Variants in AGBL1 observed in about 807,000 individuals in gnomAD.
AGBL1 encodes the protein cytosolic carboxypeptidase 4.
Under a neutral mutation model 118.9 loss-of-function variants are expected in AGBL1, and 130 were observed. That is an observed-to-expected ratio of 1.09 (90% CI 0.95 to 1.26). The LOEUF (loss-of-function observed/expected upper bound fraction) is 1.26, where lower values mean the gene tolerates loss of function less well. Ranked by LOEUF, AGBL1 falls within the 50% of genes most tolerant of loss-of-function variation. The pLI, the probability that AGBL1 is intolerant of heterozygous loss-of-function variation, is 0.00. For missense variants in AGBL1, 1,584 were observed against 1,298.1 expected (o/e 1.22, Z -3.38); for synonymous variants, 555 against 478.9 (o/e 1.16, Z -2.08).
At chr15:86,854,067 TGA>T (rs2079444691) in intron 22 of AGBL1, among the ~76,000 whole-genome samples, 1 of 152,206 alleles carries the variant, frequency 6.6e-6, no homozygotes, top group Non-Finnish European at 1.5e-5. Flanking sequence ...GAAATGGCAC[TGA>T]GAGAGTTGCA....
intron 24 of AGBL1, among the ~76,000 whole-genome samples, chr15:87,026,935 A>G (rs2081733679): frequency 6.6e-6 from 1 of 152,048 alleles, no homozygotes; most frequent in Admixed American, 6.6e-5. Context: ...GAGCTAAGCT[A>G]TGAGGATGCA....
chr15:86,950,451 A>G (rs2080868202), intron 23 of AGBL1, among the ~76,000 whole-genome samples: 1 of 151,042 alleles, frequency 6.6e-6, no homozygotes, highest in Admixed American at 6.6e-5. Context: ...GATTTTACAT[A>G]TACAAAAAGA....
At chr15:86,198,058 T>A (rs2077843587) in intron 5 of AGBL1, among the ~76,000 whole-genome samples, 1 of 152,094 alleles carries the variant, frequency 6.6e-6, no homozygotes, top group Admixed American at 6.6e-5. Context: ...TGGGGCAGGA[T>A]CTCTAACTGA....
rs927494453 is a variant in AGBL1 at position 86,279,722 on chromosome 15, C to T, written c.2159C>T (p.Pro720Leu). 1.2e-6 allele frequency: 2 copies of T among 1,613,776 alleles called. No individual in the cohort carries two copies. Among genetic ancestry groups the T allele is most frequent in the Non-Finnish European group, 1.7e-6 (2 of 1,179,730 alleles). ...ACCCTCACCTTTGCTGTCACCTTCC[C>T]ACACAGTGAGGATGTCTGCTACCTG... Reference protein sequence around the residue: ...YYTLTFAVTFPHSEDVCYLAY... With the variant: ...YYTLTFAVTFLHSEDVCYLAY... The change falls in exon 16 of 23, where the codon CCA becomes CTA. Residue 720 changes from proline to leucine, a missense_variant. Physicochemically the swap from Pro to Leu is moderately conservative, Grantham distance 98 (BLOSUM62 -3). Transcript: ENST00000614907.
upstream of AGBL1, chr15:86,079,681 C>A (rs1895138358): frequency 7.0e-6 from 2 of 287,202 alleles, no homozygotes; most frequent in East Asian, 1.1e-4. Context: ...CTGCATGGGC[C>A]TGGAGGTGGG....
At chr15:86,260,738 G>T (rs938096502) in intron 9 of AGBL1, among the ~76,000 whole-genome samples, 1 of 152,122 alleles carries the variant, frequency 6.6e-6, no homozygotes, top group Non-Finnish European at 1.5e-5. Flanking sequence ...GTGAACTCAA[G>T]TCTGAGGCAG....
chr15:86,252,058 T>C (rs920644383), intron 7 of AGBL1, among the ~76,000 whole-genome samples: 3 of 152,232 alleles, frequency 2.0e-5, no homozygotes, highest in African/African-American at 7.2e-5. Context: ...TGCTAGATCC[T>C]ACCCCAGAGT....
chr15:86,247,841 G>A lies in AGBL1; in HGVS notation c.697G>A (p.Ala233Thr), dbSNP rs1300569110. The change falls in exon 7 of 23, where the codon GCA becomes ACA. Residue 233 changes from alanine (A) to threonine (T), a missense_variant. Coordinates refer to ENST00000614907, the MANE Select transcript of AGBL1 (RefSeq NM_001386094.1). ...CCGGTCCGGCAGGGAGGCCTTCCTG[G>A]CAGCACAGGGCATGGAGATCCTCTT... The part of the protein sequence containing the change: ...ALRSGREAFL[A>T]AQGMEILFST... The A allele has an allele frequency of 6.2e-6, 10 of 1,613,808 alleles. No homozygotes were observed. The highest frequency in any genetic ancestry group is 5.5e-5 in the South Asian group (5 of 91,090).
chr15:86,875,345 G>A (rs1471829344), intron 22 of AGBL1, among the ~76,000 whole-genome samples: 1 of 152,202 alleles, frequency 6.6e-6, no homozygotes, highest in East Asian at 1.9e-4. Flanking sequence ...CCAGAACGTG[G>A]TTGACAAATG....
intron 22 of AGBL1, among the ~76,000 whole-genome samples, chr15:86,769,108 T>C (rs927051304): frequency 6.7e-6 from 1 of 150,116 alleles, no homozygotes; most frequent in African/African-American, 2.4e-5. Flanking sequence ...GACCTGTACA[T>C]GCAATGGGAT....
rs762142221 is a variant in AGBL1 at position 86,266,392 on chromosome 15, T to C, written c.1686T>C (p.Asp562=). The change falls in exon 12 of 23, where the codon GAT becomes GAC. Residue 562 remains aspartate (D), a synonymous_variant. Coordinates refer to ENST00000614907, the MANE Select transcript of AGBL1 (RefSeq NM_001386094.1). ...CGVQRIRIFE[D]IRRLIQPSDV... ...TTTTCAGGATCAGGATATTTGAGGATATTCGGAGGCTCATCCAGCCAAGTG... is the reference window on the plus strand; with the variant it reads ...TTTTCAGGATCAGGATATTTGAGGACATTCGGAGGCTCATCCAGCCAAGTG... The C allele has an allele frequency of 8.2e-6, 13 of 1,578,876 alleles. No homozygotes were observed. In the Admixed American group the frequency reaches 1.3e-4, roughly 16 times the overall value.
intron 17 of AGBL1, among the ~76,000 whole-genome samples, chr15:86,299,502 A>G (rs1408026841): frequency 6.6e-6 from 1 of 152,098 alleles, no homozygotes; most frequent in Non-Finnish European, 1.5e-5. Context: ...AACGGGAGTG[A>G]GGAGGAACAC....
chr15:86,963,246 A>G (rs2081011880), intron 23 of AGBL1, among the ~76,000 whole-genome samples: 1 of 152,114 alleles, frequency 6.6e-6, no homozygotes, highest in South Asian at 2.1e-4. Flanking sequence ...AGAGAAAGAC[A>G]TTTAATGGCA....
intron 23 of AGBL1, among the ~76,000 whole-genome samples, chr15:86,978,945 G>C (rs2081201328): frequency 6.6e-6 from 1 of 152,160 alleles, no homozygotes; most frequent in Non-Finnish European, 1.5e-5. Flanking sequence ...ATGAGTTCTT[G>C]CTTTTCAAAT....
intron 18 of AGBL1, among the ~76,000 whole-genome samples, chr15:86,468,070 G>A (rs1354625943): frequency 6.6e-6 from 1 of 151,926 alleles, no homozygotes; most frequent in Non-Finnish European, 1.5e-5. Context: ...AAATCATTTT[G>A]TCCCTACTCC....
intron 24 of AGBL1, among the ~76,000 whole-genome samples, chr15:86,996,384 G>A (rs2081380540): frequency 6.6e-6 from 1 of 152,134 alleles, no homozygotes; most frequent in Admixed American, 6.5e-5. Flanking sequence ...AAACTTGCCT[G>A]TTTTGCACTT....
intron 21 of AGBL1, among the ~76,000 whole-genome samples, chr15:86,604,443 A>G (rs1235953566): frequency 2.6e-5 from 4 of 152,204 alleles, no homozygotes; most frequent in African/African-American, 7.2e-5. Flanking sequence ...CTAATCATGA[A>G]CAGAGCTAAA....
intron 22 of AGBL1, among the ~76,000 whole-genome samples, chr15:86,852,729 C>G (rs2141462099): frequency 6.6e-6 from 1 of 152,284 alleles, no homozygotes; most frequent in East Asian, 1.9e-4. Context: ...TCCTGTGAAC[C>G]TCTTTCCTGG....
At chr15:86,830,499 G>C (rs903158622) in intron 22 of AGBL1, among the ~76,000 whole-genome samples, 1 of 152,110 alleles carries the variant, frequency 6.6e-6, no homozygotes, top group East Asian at 1.9e-4. Flanking sequence ...ACTAGTCTCT[G>C]ACTAGTTTAT....
Sources: gnomAD v4.1 joint callset for allele counts (sites outside exome capture counted in the v4.1 genomes callset) on GRCh38, gnomAD v4.1.1 for gene constraint, MANE v1.5 for transcripts, NCBI Gene and HGNC (gene_info 2026-07-23, HGNC 2026-07-21) for gene names.